Variants in GPATCH2 observed in about 807,000 individuals in gnomAD.
GPATCH2 encodes the protein G-patch domain containing 2, also known as G patch domain-containing protein 2.
In GPATCH2, 51 loss-of-function variants were observed where a neutral mutation model predicts 58.0. The observed-to-expected ratio is 0.88, with a 90% CI of 0.70 to 1.11. GPATCH2 has a LOEUF of 1.11. Ranked by LOEUF, GPATCH2 falls within the 50% of genes most tolerant of loss-of-function variation. The probability of loss-of-function intolerance (pLI) is 0.00; values close to 1 mark genes in which losing one functional copy is unlikely to be tolerated. For synonymous variants in GPATCH2, 222 were observed against 218.5 expected (o/e 1.02, Z -0.14); for missense variants, 625 against 652.2 (o/e 0.96, Z 0.45).
chr1:217,465,325 T>G (rs1660397619), intron 8 of GPATCH2, among the ~76,000 whole-genome samples: 1 of 151,964 alleles, frequency 6.6e-6, no homozygotes, highest in Non-Finnish European at 1.5e-5. Flanking sequence ...GCAAAGAAGA[T>G]CCAATATAAG....
chr1:217,488,607 A>G (rs189054677), intron 8 of GPATCH2, among the ~76,000 whole-genome samples: 106 of 152,170 alleles, frequency 7.0e-4, no homozygotes, highest in African/African-American at 2.5e-3. Context: ...CATATACTGG[A>G]TATTTCCAGT....
At chr1:217,573,460 G>A (rs17666266) in intron 5 of GPATCH2, among the ~76,000 whole-genome samples, 24,210 of 152,108 alleles carry the variant, frequency 0.16, 2,450 homozygotes, top group Non-Finnish European at 0.22. Flanking sequence ...ATTGGGAAGA[G>A]GTGTTAAGTT....
chr1:217,451,276 T>C (rs763155049), intron 8 of GPATCH2, among the ~76,000 whole-genome samples: 5 of 152,206 alleles, frequency 3.3e-5, no homozygotes, highest in Non-Finnish European at 7.3e-5. Flanking sequence ...TTCAGGAGTA[T>C]ACCCTTTCAG....
In GPATCH2 at chr1:217,620,092, T is replaced by G. The variant is rs139271614; in HGVS notation, c.464A>C (p.Asn155Thr). The G allele has an allele frequency of 2.5e-5, 41 of 1,614,088 alleles. No homozygotes were observed. The African/African-American group carries it at 5.1e-4, about 20-fold the overall frequency. The part of the protein sequence containing the change: ...ESDFAVDNVG[N>T]RTLRRRRKVK... ...CTTTCTCCTCCTGCGCAGAGTTCTA[T>G]TCCCAACATTGTCCACAGCAAAATC... Residue 155 changes from asparagine (N) to threonine (T), a missense_variant, in exon 2 of 10, where the codon AAT becomes ACT. Physicochemically the swap from Asn to Thr is moderately conservative, Grantham distance 65. Transcript: ENST00000366935.
chr1:217,612,776 T>C (rs996071163), intron 3 of GPATCH2, among the ~76,000 whole-genome samples: 2 of 152,216 alleles, frequency 1.3e-5, no homozygotes, highest in Admixed American at 6.5e-5. Flanking sequence ...GAACTTGCTC[T>C]GAAATCAGAC....
At chr1:217,545,967 T>C (rs371063619) in intron 5 of GPATCH2, among the ~76,000 whole-genome samples, 1 of 152,224 alleles carries the variant, frequency 6.6e-6, no homozygotes, top group South Asian at 2.1e-4. Flanking sequence ...TAGGATGAAC[T>C]GTGGGTTTGA....
chr1:217,549,708 G>A (rs1043666981), intron 5 of GPATCH2, among the ~76,000 whole-genome samples: 7 of 152,054 alleles, frequency 4.6e-5, no homozygotes, highest in Admixed American at 2.0e-4. Context: ...GAGAAAAAAC[G>A]AAGAATTGAC....
intron 8 of GPATCH2, among the ~76,000 whole-genome samples, chr1:217,474,397 T>C (rs1343342657): frequency 1.3e-5 from 2 of 152,202 alleles, no homozygotes; most frequent in Non-Finnish European, 2.9e-5. Context: ...TCTGCACTCA[T>C]AATTAAGTTA....
At chr1:217,622,703 C>T (rs1669255331) in intron 1 of GPATCH2, among the ~76,000 whole-genome samples, 1 of 152,166 alleles carries the variant, frequency 6.6e-6, no homozygotes, top group Admixed American at 6.5e-5. Context: ...GCCACCATGC[C>T]CGGCTAATTT....
chr1:217,592,702 T>C (rs951643733), intron 5 of GPATCH2, among the ~76,000 whole-genome samples: 2 of 151,910 alleles, frequency 1.3e-5, no homozygotes, highest in East Asian at 3.8e-4. Flanking sequence ...TGAACATGTA[T>C]ATTTAGAGAT....
At chr1:217,623,795 G>A (rs769321294) in intron 1 of GPATCH2, among the ~76,000 whole-genome samples, 18 of 151,436 alleles carry the variant, frequency 1.2e-4, no homozygotes, top group African/African-American at 7.3e-5. Flanking sequence ...CTAGCGACTC[G>A]GGAGGCTGAG....
At chr1:217,602,680 A>G (rs1219843568) in intron 5 of GPATCH2, among the ~76,000 whole-genome samples, 2 of 152,182 alleles carry the variant, frequency 1.3e-5, no homozygotes, top group Non-Finnish European at 2.9e-5. Context: ...AAAAGGTACT[A>G]TAGACTACCT....
At chr1:217,433,878 G>A (rs1367012936) in intron 9 of GPATCH2, among the ~76,000 whole-genome samples, 1 of 152,176 alleles carries the variant, frequency 6.6e-6, no homozygotes, top group African/African-American at 2.4e-5. Flanking sequence ...AACAAGGAAA[G>A]CCACAAAGTG....
At chr1:217,507,611 T>C (rs1662625060) in intron 6 of GPATCH2, among the ~76,000 whole-genome samples, 1 of 152,174 alleles carries the variant, frequency 6.6e-6, no homozygotes, top group Non-Finnish European at 1.5e-5. Context: ...CAGATGGTGT[T>C]TAAAATAAAT....
chr1:217,548,906 A>T (rs191854761), intron 5 of GPATCH2, among the ~76,000 whole-genome samples: 41 of 152,312 alleles, frequency 2.7e-4, no homozygotes, highest in African/African-American at 9.1e-4. Flanking sequence ...TTCTTATAGT[A>T]TACCCAGTCT....
intron 5 of GPATCH2, among the ~76,000 whole-genome samples, chr1:217,570,880 T>C (rs1311212324): frequency 6.6e-6 from 1 of 152,208 alleles, no homozygotes; most frequent in Non-Finnish European, 1.5e-5. Flanking sequence ...TCTTTAATGG[T>C]ATTATTTGCA....
chr1:217,439,216 C>T lies in GPATCH2; in HGVS notation c.1367-7851G>A, dbSNP rs555645365. Reference sequence around the variant, plus strand: ...CTAGAACTCAGGATTAAGAAACTCACTCAAAACCACTCAACTCCATGGAAA... The same window carrying T: ...CTAGAACTCAGGATTAAGAAACTCATTCAAAACCACTCAACTCCATGGAAA... On this transcript the variant is annotated intron_variant, in intron 9 of 9. Coordinates refer to ENST00000366935, the MANE Select transcript of GPATCH2 (RefSeq NM_018040.5). Among the ~76,000 whole-genome samples the T allele has an allele frequency of 9.8e-5, 15 of 152,314 alleles. No individual in the cohort carries two copies. The South Asian group carries it at 1.9e-3, about 19-fold the overall frequency.
chr1:217,498,945 C>T (rs1002662747), intron 6 of GPATCH2, among the ~76,000 whole-genome samples: 1 of 152,110 alleles, frequency 6.6e-6, no homozygotes, highest in Non-Finnish European at 1.5e-5. Flanking sequence ...AGTTCAACAA[C>T]ATTAAAAATA....
intron 5 of GPATCH2, among the ~76,000 whole-genome samples, chr1:217,540,221 G>A (rs1377830461): frequency 1.3e-5 from 2 of 152,162 alleles, no homozygotes; most frequent in African/African-American, 4.8e-5. Context: ...AGGAAGGAAG[G>A]AAAGGAAGGA....
Sources: allele counts gnomAD v4.1 joint callset (sites outside exome capture counted in the v4.1 genomes callset), GRCh38; gene constraint gnomAD v4.1.1; transcripts MANE v1.5; gene names NCBI Gene and HGNC (gene_info 2026-07-23, HGNC 2026-07-21).